NOS1AP: variants seen among roughly 807,000 people sequenced by gnomAD.
The protein encoded by NOS1AP is carboxyl-terminal PDZ ligand of neuronal nitric oxide synthase protein.
NOS1AP carries 21 observed loss-of-function variants against 56.2 expected under a neutral mutation model. The observed-to-expected ratio is 0.37, with a 90% CI of 0.26 to 0.54. NOS1AP has a LOEUF of 0.54. Among genes scored for constraint, NOS1AP ranks in the 20% least tolerant of loss-of-function variants. The pLI is 0.84. For missense variants in NOS1AP, 522 were observed against 657.8 expected (o/e 0.79, Z 2.26); for synonymous variants, 270 against 274.6 (o/e 0.98, Z 0.17).
chr1:162,149,351 T>TG (rs11397335), intron 1 of NOS1AP, among the ~76,000 whole-genome samples: 72,021 of 151,860 alleles, frequency 0.47, 18,434 homozygotes, highest in East Asian at 0.78. Flanking sequence ...AGTGGGAGGG[T>TG]CTGCCTGAGT....
intron 5 of NOS1AP, among the ~76,000 whole-genome samples, chr1:162,341,607 G>C (rs1657107427): frequency 6.6e-6 from 1 of 152,188 alleles, no homozygotes; most frequent in South Asian, 2.1e-4. Flanking sequence ...GAAGGTTTCT[G>C]TATAGTGGAC....
At chr1:162,159,079 G>C (rs1034628574) in intron 2 of NOS1AP, among the ~76,000 whole-genome samples, 4 of 152,160 alleles carry the variant, frequency 2.6e-5, no homozygotes, top group African/African-American at 7.2e-5. Flanking sequence ...CTGAAACCAG[G>C]TTGCTGGCAT....
At chr1:162,340,457 G>A (rs1254090456) in intron 5 of NOS1AP, among the ~76,000 whole-genome samples, 1 of 152,136 alleles carries the variant, frequency 6.6e-6, no homozygotes, top group African/African-American at 2.4e-5. Flanking sequence ...GTCGCTTTAT[G>A]TTTCTACTAT....
At chr1:162,340,596 G>A (rs1657079831) in intron 5 of NOS1AP, among the ~76,000 whole-genome samples, 2 of 152,176 alleles carry the variant, frequency 1.3e-5, no homozygotes, top group South Asian at 4.1e-4. Flanking sequence ...CACTGTGGTA[G>A]GTGCTATCAT....
At chr1:162,142,765 C>T (rs1649291430) in intron 1 of NOS1AP, among the ~76,000 whole-genome samples, 1 of 152,122 alleles carries the variant, frequency 6.6e-6, no homozygotes, top group Non-Finnish European at 1.5e-5. Flanking sequence ...TGGAGCCATT[C>T]CTTGCAGGGT....
intron 2 of NOS1AP, among the ~76,000 whole-genome samples, chr1:162,242,239 C>G (rs145639467): frequency 2.6e-5 from 4 of 152,180 alleles, no homozygotes; most frequent in Non-Finnish European, 5.9e-5. Context: ...TCTGCAAATT[C>G]TTTGAGACTC....
chr1:162,228,042 A>C (rs770074351), intron 2 of NOS1AP, among the ~76,000 whole-genome samples: 2 of 152,226 alleles, frequency 1.3e-5, no homozygotes, highest in Non-Finnish European at 1.5e-5. Context: ...GAAATGAAAA[A>C]TATAGGACTG....
At chr1:162,284,407 A>T (rs1213108201) in intron 2 of NOS1AP, among the ~76,000 whole-genome samples, 1 of 152,152 alleles carries the variant, frequency 6.6e-6, no homozygotes, top group East Asian at 1.9e-4. Flanking sequence ...AAGAGTCCTT[A>T]TAAATAGCAC....
intron 1 of NOS1AP, among the ~76,000 whole-genome samples, chr1:162,129,394 T>C (rs1370322317): frequency 6.6e-6 from 1 of 152,154 alleles, no homozygotes; most frequent in Admixed American, 6.6e-5. Context: ...CAGCATCTAC[T>C]CCCTATTCTG....
chr1:162,154,513 T>A, intron 2 of NOS1AP, 37 bp downstream of exon 2: 1 of 1,603,996 alleles, frequency 6.2e-7, no homozygotes, highest in Non-Finnish European at 8.5e-7. Flanking sequence ...GAGCGGGGAG[T>A]CAAGTGCCTT....
At chr1:162,089,090 C>T (rs1240138606) in intron 1 of NOS1AP, among the ~76,000 whole-genome samples, 1 of 152,130 alleles carries the variant, frequency 6.6e-6, no homozygotes, top group Non-Finnish European at 1.5e-5. Context: ...ATTATCTTGG[C>T]ACCAGGGATG....
intron 5 of NOS1AP, among the ~76,000 whole-genome samples, chr1:162,335,481 T>C (rs1196496447): frequency 6.6e-6 from 1 of 152,236 alleles, no homozygotes. Flanking sequence ...TTTACCTTTT[T>C]TATAAAGCAC....
intron 1 of NOS1AP, among the ~76,000 whole-genome samples, chr1:162,137,296 A>C (rs544814762): frequency 1.3e-5 from 2 of 151,928 alleles, no homozygotes; most frequent in African/African-American, 4.8e-5. Context: ...ATTCTGGGCC[A>C]CTCCTGCCAC....
At chr1:162,135,065 G>A (rs1196974521) in intron 1 of NOS1AP, among the ~76,000 whole-genome samples, 1 of 152,300 alleles carries the variant, frequency 6.6e-6, no homozygotes, top group South Asian at 2.1e-4. Flanking sequence ...TATCTTCTCT[G>A]TGAGTACTTC....
intron 1 of NOS1AP, among the ~76,000 whole-genome samples, chr1:162,094,802 T>C (rs1412814445): frequency 6.6e-6 from 1 of 152,216 alleles, no homozygotes; most frequent in African/African-American, 2.4e-5. Context: ...CAAACCATGG[T>C]CCAGTTGTTG....
intron 2 of NOS1AP, among the ~76,000 whole-genome samples, chr1:162,168,008 A>AT: frequency 6.6e-6 from 1 of 151,966 alleles, no homozygotes; most frequent in East Asian, 1.9e-4. Flanking sequence ...CAAAAAAAAA[A>AT]AAAAATACCA....
At position 162,070,077 on chromosome 1, in the gene NOS1AP, C is replaced by T. The variant is rs1691627584; in HGVS notation, c.-101C>T. ...CCTGCCCAGCGCTCCCAGGCCCCGC[C>T]ACGCGTCGCCGCGCCCAGCTCCAGT... On this transcript the variant is annotated 5_prime_UTR_variant, in exon 1 of 10. Transcript: ENST00000361897. 1 of 949,162 alleles carries T rather than the reference C, an allele frequency of 1.1e-6. No individual in the cohort carries two copies. Among genetic ancestry groups the T allele is most frequent in the South Asian group, 1.4e-5 (1 of 70,746 alleles). 58.8% of individuals were successfully genotyped at this position (949,162 alleles called of 1,614,324 possible). A position where few individuals can be genotyped will look rare whatever the true frequency, so the allele number is the denominator to read the frequency against.
At chr1:162,149,825 A>T (rs1300882147) in intron 1 of NOS1AP, among the ~76,000 whole-genome samples, 1 of 152,206 alleles carries the variant, frequency 6.6e-6, no homozygotes, top group Admixed American at 6.5e-5. Context: ...ATTTTATTTT[A>T]AAAAATTTAT....
intron 2 of NOS1AP, among the ~76,000 whole-genome samples, chr1:162,263,749 T>C (rs1404660019): frequency 6.6e-6 from 1 of 152,162 alleles, no homozygotes; most frequent in Admixed American, 6.5e-5. Flanking sequence ...CTACTTGACA[T>C]CTCTTTTTGG....
Sources: gnomAD v4.1 joint callset for allele counts (sites outside exome capture counted in the v4.1 genomes callset) on GRCh38, gnomAD v4.1.1 for gene constraint, MANE v1.5 for transcripts, NCBI Gene and HGNC (gene_info 2026-07-23, HGNC 2026-07-21) for gene names.